The following PPFIA2 variants were observed in gnomAD, a reference collection of about 807,000 sequenced individuals.
The protein encoded by PPFIA2 is PPFI scaffold protein A2, also known as liprin-alpha-2.
In PPFIA2, 46 loss-of-function variants were observed where a neutral mutation model predicts 175.5. That is an observed-to-expected ratio of 0.26 (90% CI 0.21 to 0.34). The LOEUF (loss-of-function observed/expected upper bound fraction) is 0.34, where lower values mean the gene tolerates loss of function less well. PPFIA2 is among the 10% of genes least tolerant of loss of function. The probability of loss-of-function intolerance (pLI) is 1.00; values close to 1 mark genes in which losing one functional copy is unlikely to be tolerated. For missense variants in PPFIA2, 1,179 were observed against 1,506.1 expected, an observed-to-expected ratio of 0.78 and a Z score of 3.60; for synonymous variants, 568 against 511.4, an observed-to-expected ratio of 1.11 and a Z score of -1.49.
In PPFIA2 at chr12:81,628,903, C is replaced by T. The variant is rs115919912; in HGVS notation, c.303+47888G>A. 4.1e-3 allele frequency among the ~76,000 whole-genome samples: 627 copies of T among 152,262 alleles called. 3 individuals are homozygous for T. Among genetic ancestry groups the T allele is most frequent in the African/African-American group, 0.014 (582 of 41,542 alleles). On this transcript the variant is annotated intron_variant, in intron 4 of 32. Coordinates refer to ENST00000549396, the MANE Select transcript of PPFIA2 (RefSeq NM_003625.5). The stretch of plus-strand genomic sequence containing the variant: ...CAAAGGGATCCAATTGCACATAAGG[C>T]CTATAGCCTCCTGTTGTTTTCAGTG...
At chr12:81,756,509 C>T (rs2084689260) in intron 2 of PPFIA2, among the ~76,000 whole-genome samples, 1 of 151,990 alleles carries the variant, frequency 6.6e-6, no homozygotes, top group Non-Finnish European at 1.5e-5. Flanking sequence ...TCAAAAGATG[C>T]TATGATGAAA....
chr12:81,397,133 T>C (rs2041274578), intron 8 of PPFIA2, among the ~76,000 whole-genome samples: 1 of 152,008 alleles, frequency 6.6e-6, no homozygotes, highest in African/African-American at 2.4e-5. Context: ...GATATATGCA[T>C]TTGGTTGTAG....
intron 3 of PPFIA2, among the ~76,000 whole-genome samples, chr12:81,697,286 T>G (rs35978836): frequency 0.092 from 13,937 of 152,170 alleles, 846 homozygotes; most frequent in East Asian, 0.26. Context: ...TTCTGATTCA[T>G]TAAATGTCAC....
intron 3 of PPFIA2, among the ~76,000 whole-genome samples, chr12:81,734,999 G>A (rs1158491943): frequency 6.6e-6 from 1 of 151,720 alleles, no homozygotes; most frequent in Non-Finnish European, 1.5e-5. Flanking sequence ...AGTGCTGATA[G>A]TTTGTTACTT....
At chr12:81,495,919 C>T (rs2059977140) in intron 4 of PPFIA2, among the ~76,000 whole-genome samples, 1 of 152,120 alleles carries the variant, frequency 6.6e-6, no homozygotes, top group South Asian at 2.1e-4. Context: ...ATGTTAAAAA[C>T]ACATATTATA....
intron 7 of PPFIA2, among the ~76,000 whole-genome samples, chr12:81,406,874 C>G (rs1374433731): frequency 6.6e-6 from 1 of 152,092 alleles, no homozygotes; most frequent in Non-Finnish European, 1.5e-5. Flanking sequence ...CAACATGTCA[C>G]AAGACGAATA....
chr12:81,359,100 C>T (rs1163741622), intron 15 of PPFIA2, among the ~76,000 whole-genome samples: 1 of 151,852 alleles, frequency 6.6e-6, no homozygotes, highest in Non-Finnish European at 1.5e-5. Flanking sequence ...TAATGCTGTC[C>T]TATAAAATGA....
intron 4 of PPFIA2, among the ~76,000 whole-genome samples, chr12:81,560,654 C>A (rs973152635): frequency 1.3e-5 from 2 of 151,910 alleles, no homozygotes; most frequent in African/African-American, 4.8e-5. Context: ...TAAATGTGTT[C>A]AAAAATTTGC....
At chr12:81,385,778 T>C (rs2038795835) in intron 8 of PPFIA2, among the ~76,000 whole-genome samples, 1 of 152,118 alleles carries the variant, frequency 6.6e-6, no homozygotes, top group Admixed American at 6.6e-5. Flanking sequence ...ACAGTAAGAA[T>C]AATGGTCTAT....
intron 3 of PPFIA2, among the ~76,000 whole-genome samples, chr12:81,723,331 C>T (rs1317440828): frequency 6.6e-6 from 1 of 150,990 alleles, no homozygotes; most frequent in Non-Finnish European, 1.5e-5. Flanking sequence ...CAAGCTGCCA[C>T]ATAATTTATG....
chr12:81,265,268 G>A (rs2036889022), intron 30 of PPFIA2, among the ~76,000 whole-genome samples: 1 of 139,708 alleles, frequency 7.2e-6, no homozygotes. Context: ...ACTCCAGCCT[G>A]GGCAACAAGA....
At chr12:81,321,537 AT>A (rs1594776204) in intron 22 of PPFIA2, among the ~76,000 whole-genome samples, 1 of 152,128 alleles carries the variant, frequency 6.6e-6, no homozygotes, top group East Asian at 1.9e-4. Context: ...TGGGGGGCTT[AT>A]ACCTGTGCAA....
chr12:81,529,015 G>A (rs752137167), intron 4 of PPFIA2, among the ~76,000 whole-genome samples: 145 of 152,028 alleles, frequency 9.5e-4, no homozygotes, highest in South Asian at 1.0e-3. Context: ...ATGCACTGTA[G>A]CTGGAGACCC....
intron 4 of PPFIA2, among the ~76,000 whole-genome samples, chr12:81,570,624 C>A (rs2072336613): frequency 6.6e-6 from 1 of 151,508 alleles, no homozygotes; most frequent in South Asian, 2.1e-4. Flanking sequence ...CATTCTTTAA[C>A]ATTCATCAGT....
At chr12:81,325,443 C>T (rs1482692140) in intron 22 of PPFIA2, among the ~76,000 whole-genome samples, 2 of 152,052 alleles carry the variant, frequency 1.3e-5, no homozygotes, top group African/African-American at 4.8e-5. Flanking sequence ...GAAAACAAAG[C>T]TAGATGGTAT....
intron 3 of PPFIA2, among the ~76,000 whole-genome samples, chr12:81,678,179 G>C (rs1161744227): frequency 6.6e-6 from 1 of 151,708 alleles, no homozygotes; most frequent in Non-Finnish European, 1.5e-5. Context: ...GAAGAGGGGG[G>C]AATATAGTTG....
chr12:81,707,440 A>G lies in PPFIA2; in HGVS notation c.250-30596T>C, dbSNP rs1472072784. On this transcript the variant is annotated intron_variant, in intron 3 of 32. Coordinates refer to ENST00000549396, the MANE Select transcript of PPFIA2 (RefSeq NM_003625.5). ...GAAAAAATGCTCACCATCACTGGCC[A>G]TCAGAGCAATGCAAATCAAAGCCAC... 2.0e-5 allele frequency among the ~76,000 whole-genome samples: 3 copies of G among 152,238 alleles called. No individual in the cohort carries two copies. The East Asian group carries it at 5.8e-4, about 29-fold the overall frequency.
At chr12:81,745,868 T>A (rs1322841657) in intron 3 of PPFIA2, among the ~76,000 whole-genome samples, 2 of 152,204 alleles carry the variant, frequency 1.3e-5, no homozygotes, top group African/African-American at 2.4e-5. Flanking sequence ...TTCCCGAAGC[T>A]CTTCTCACTT....
rs374116022 is a variant in PPFIA2 at position 81,687,070 on chromosome 12, T to C, written c.250-10226A>G. Among the ~76,000 whole-genome samples the C allele has an allele frequency of 1.2e-4, 19 of 152,118 alleles. No individual in the cohort carries two copies. In the East Asian group the frequency reaches 1.9e-3, roughly 16 times the overall value. On this transcript the variant is annotated intron_variant, in intron 3 of 32. Transcript: ENST00000549396. ...GAATTCGGCTGCATCTGAAACTGTT[T>C]AACACACCCTCCAAGTGAGTCTGAT...
Sources: gnomAD v4.1 joint callset for allele counts (sites outside exome capture counted in the v4.1 genomes callset) on GRCh38, gnomAD v4.1.1 for gene constraint, MANE v1.5 for transcripts, NCBI Gene and HGNC (gene_info 2026-07-23, HGNC 2026-07-21) for gene names.